The following TOLLIP variants were observed in gnomAD, a reference collection of about 807,000 sequenced individuals.
TOLLIP encodes toll-interacting protein.
A neutral mutation model predicts 33.5 loss-of-function variants in TOLLIP; 16 were observed. The observed-to-expected ratio is 0.48, with a 90% CI of 0.32 to 0.72. The LOEUF (loss-of-function observed/expected upper bound fraction) is 0.72. Among genes scored for constraint, TOLLIP ranks in the 30% least tolerant of loss-of-function variants. The pLI is 0.03. For synonymous variants in TOLLIP, 176 were observed against 163.7 expected (o/e 1.07, Z -0.57); for missense variants, 325 against 396.6 (o/e 0.82, Z 1.53).
chr11:1,309,619 C>G lies in TOLLIP; in HGVS notation c.-121G>C, dbSNP rs1864536289. ...ACCTCGAGGCCGCCGCCGCCACAGT[C>G]AGCTGACAGCCGCCGCGCCCCGCCC... On this transcript the variant is annotated 5_prime_UTR_variant, in exon 1 of 6. Transcript: ENST00000317204. 2.7e-6 allele frequency: 1 copy of G among 369,530 alleles called. No homozygotes were observed. The highest frequency in any genetic ancestry group is 2.2e-5 in the African/African-American group (1 of 46,400). The allele number at this position is 369,530 out of a possible 1,614,324, so 22.9% of individuals were successfully genotyped here. A position where few individuals can be genotyped will look rare whatever the true frequency, so the allele number is the denominator to read the frequency against.
chr11:1,287,065 C>T (rs147184845), intron 4 of TOLLIP, among the ~76,000 whole-genome samples: 8 of 151,278 alleles, frequency 5.3e-5, no homozygotes, highest in Admixed American at 1.3e-4. Flanking sequence ...CTGTCAGCTG[C>T]GGATAAGTCA....
At position 1,309,480 on chromosome 11, in the gene TOLLIP, T is replaced by C; in HGVS notation, c.19A>G (p.Thr7Ala). 7.5e-7 allele frequency: 1 copy of C among 1,339,308 alleles called. No homozygotes were observed. Among genetic ancestry groups the C allele is most frequent in the Non-Finnish European group, 9.6e-7 (1 of 1,039,586 alleles). 83.0% of individuals were successfully genotyped at this position (1,339,308 alleles called of 1,614,324 possible). ...GGCTGCCTCACCGGCCCGCGCTGAGTGCTGACGGTGGTCGCCATGGTGCTG... is the reference window on the plus strand; with the variant it reads ...GGCTGCCTCACCGGCCCGCGCTGAGCGCTGACGGTGGTCGCCATGGTGCTG... MATTVSTQRGPVYIGEL... is the reference protein window; with the variant it reads MATTVSAQRGPVYIGEL... Residue 7 changes from threonine to alanine, a missense_variant, in exon 1 of 6, where the codon ACT becomes GCT. Transcript: ENST00000317204.
chr11:1,303,513 A>G lies in TOLLIP; in HGVS notation c.33+5953T>C, dbSNP rs1390229403. Among the ~76,000 whole-genome samples the G allele has an allele frequency of 2.0e-5, 3 of 152,240 alleles. No individual in the cohort carries two copies. Among genetic ancestry groups the G allele is most frequent in the Non-Finnish European group, 4.4e-5 (3 of 68,046 alleles). ...AGACAAACGGGAAGCATCATGAGTT[A>G]TGCTGTATGCTAACGGCAGGAGGCG... On this transcript the variant is annotated intron_variant, in intron 1 of 5. Transcript: ENST00000317204. This position sits in a 1 kb window ranked among gnomAD's most constrained non-coding sequence, Gnocchi z 4.2.
At chr11:1,288,896 C>T in intron 3 of TOLLIP, 120 bp from the exon 4 acceptor site, 1 of 1,097,046 alleles carries the variant, frequency 9.1e-7, no homozygotes, top group Admixed American at 2.5e-5. Flanking sequence ...GGGCTCCCAC[C>T]TGCACCAACA....
intron 1 of TOLLIP, among the ~76,000 whole-genome samples, chr11:1,304,738 T>G (rs1417259239): frequency 6.6e-6 from 1 of 152,232 alleles, no homozygotes; most frequent in Admixed American, 6.5e-5. Context: ...GTGTATGTAC[T>G]TGAGATAAAA....
rs1863885375 is a variant in TOLLIP at position 1,290,112 on chromosome 11, T to C, written c.366+115A>G. On this transcript the variant is annotated intron_variant, in intron 3 of 5. Transcript: ENST00000317204. This position sits in a 1 kb window ranked among gnomAD's most constrained non-coding sequence, Gnocchi z 4.9. ...GTCATGCACCCAATGAAACACCAGGTGGGGAGCCACGCCTCGAAGCCAGCC... is the reference window on the plus strand; with the variant it reads ...GTCATGCACCCAATGAAACACCAGGCGGGGAGCCACGCCTCGAAGCCAGCC... 9.9e-7 allele frequency: 1 copy of C among 1,006,698 alleles called. No individual in the cohort carries two copies. Among genetic ancestry groups the C allele is most frequent in the African/African-American group, 1.6e-5 (1 of 62,624 alleles). 62.4% of individuals were successfully genotyped at this position (1,006,698 alleles called of 1,614,324 possible).
At chr11:1,279,926 A>G (rs982465123) in intron 5 of TOLLIP, among the ~76,000 whole-genome samples, 16 of 152,322 alleles carry the variant, frequency 1.1e-4, no homozygotes, top group South Asian at 1.0e-3. Context: ...GTGGAAAGAC[A>G]TCCAAAGAGC....
rs1863827912 is a variant in TOLLIP at position 1,288,637 on chromosome 11, A to G, written c.506T>C (p.Val169Ala). The change falls in exon 4 of 6, where the codon GTC becomes GCC. Residue 169 changes from valine to alanine, a missense_variant. Coordinates refer to ENST00000317204, the MANE Select transcript of TOLLIP (RefSeq NM_019009.4). Reference protein sequence around the residue: ...GDDKEGMINLVMSYALLPAAM... With the variant: ...GDDKEGMINLAMSYALLPAAM... Reference sequence around the variant, plus strand: ...CGTGCAGCTCACCGCGTAGGACATGACGAGGTTGATCATGCCCTCCTTGTC... The same window carrying G: ...CGTGCAGCTCACCGCGTAGGACATGGCGAGGTTGATCATGCCCTCCTTGTC... The G allele has an allele frequency of 6.2e-7, 1 of 1,612,420 alleles. No homozygotes were observed. Among genetic ancestry groups the G allele is most frequent in the Admixed American group, 1.7e-5 (1 of 59,992 alleles).
chr11:1,302,239 C>T (rs533526100), intron 1 of TOLLIP, among the ~76,000 whole-genome samples: 1 of 152,360 alleles, frequency 6.6e-6, no homozygotes, highest in South Asian at 2.1e-4. Flanking sequence ...AGGGCGGGAA[C>T]GCGCACCAGG....
At chr11:1,292,797 C>T (rs189487745) in intron 2 of TOLLIP, among the ~76,000 whole-genome samples, 35 of 152,356 alleles carry the variant, frequency 2.3e-4, no homozygotes, top group Admixed American at 9.8e-4. Flanking sequence ...GGCAGACACA[C>T]AGCGCAGCAG....
At chr11:1,280,671 C>A (rs1179177935) in intron 5 of TOLLIP, among the ~76,000 whole-genome samples, 1 of 152,016 alleles carries the variant, frequency 6.6e-6, no homozygotes, top group Non-Finnish European at 1.5e-5. Context: ...GCTGGGGAGG[C>A]GCCGGACGCC....
Position 1,309,546 on chromosome 11 carries a change from G to A in TOLLIP, c.-48C>T, listed in dbSNP as rs1309798548. ...CTCGCCGACCCGACAGTGACGCGCC[G>A]GGCGACCTCCTGCGCCCCCGCCGGA... On this transcript the variant is annotated 5_prime_UTR_variant, in exon 1 of 6. Transcript: ENST00000317204. The A allele has an allele frequency of 1.2e-5, 15 of 1,226,690 alleles. No homozygotes were observed. The Admixed American group carries it at 3.7e-4, about 30-fold the overall frequency. The allele number at this position is 1,226,690 out of a possible 1,614,324, so 76.0% of individuals were successfully genotyped here. A position where few individuals can be genotyped will look rare whatever the true frequency, so the allele number is the denominator to read the frequency against.
intron 5 of TOLLIP, among the ~76,000 whole-genome samples, chr11:1,279,370 C>T (rs1050132219): frequency 6.6e-6 from 1 of 152,258 alleles, no homozygotes; most frequent in Non-Finnish European, 1.5e-5. Flanking sequence ...GCCGGCCCAT[C>T]CTGGTTACCA....
intron 4 of TOLLIP, among the ~76,000 whole-genome samples, chr11:1,287,458 C>T (rs866172232): frequency 2.4e-4 from 13 of 53,748 alleles, no homozygotes; most frequent in African/African-American, 4.5e-4. Context: ...GCACCCTCCC[C>T]GCCGCAGCCT....
chr11:1,288,307 A>G (rs1199085533), intron 4 of TOLLIP, among the ~76,000 whole-genome samples: 1 of 152,198 alleles, frequency 6.6e-6, no homozygotes, highest in Non-Finnish European at 1.5e-5. Flanking sequence ...AGAGCTTGGA[A>G]GGGCTGTGGG....
intron 1 of TOLLIP, among the ~76,000 whole-genome samples, chr11:1,298,890 C>T (rs1864187536): frequency 6.6e-6 from 1 of 152,250 alleles, no homozygotes; most frequent in Non-Finnish European, 1.5e-5. Context: ...CAGTCGTCCT[C>T]AAACCGTCAA....
intron 1 of TOLLIP, among the ~76,000 whole-genome samples, chr11:1,300,700 G>A (rs532255815): frequency 2.0e-5 from 3 of 152,272 alleles, no homozygotes; most frequent in East Asian, 1.9e-4. Context: ...ACAGAGCCCC[G>A]GAAGAGCCCA....
chr11:1,307,605 G>A (rs945598581), intron 1 of TOLLIP, among the ~76,000 whole-genome samples: 9 of 152,214 alleles, frequency 5.9e-5, no homozygotes, highest in Non-Finnish European at 1.0e-4. Flanking sequence ...ATCCTGCCTG[G>A]CCACCATGCC....
At position 1,278,374 on chromosome 11, in the gene TOLLIP, C is replaced by A. The variant is rs967473015; in HGVS notation, c.611-1121G>T. On this transcript the variant is annotated intron_variant, in intron 5 of 5. Coordinates refer to ENST00000317204, the MANE Select transcript of TOLLIP (RefSeq NM_019009.4). This position sits in a 1 kb window ranked among gnomAD's most constrained non-coding sequence, Gnocchi z 4.7. ...ATCACTGGAGCGCTAGAGCCCCAAT[C>A]TTAGGATAGGACTTTTGTTCCTTTC... Among the ~76,000 whole-genome samples the A allele has an allele frequency of 6.6e-6, 1 of 152,184 alleles. No homozygotes were observed. Among genetic ancestry groups the A allele is most frequent in the African/African-American group, 2.4e-5 (1 of 41,438 alleles).
Sources: allele counts gnomAD v4.1 joint callset (sites outside exome capture counted in the v4.1 genomes callset), GRCh38; gene constraint gnomAD v4.1.1; non-coding constraint Gnocchi (gnomAD v3.1); transcripts MANE v1.5; gene names NCBI Gene and HGNC (gene_info 2026-07-23, HGNC 2026-07-21).